Variants in PSME3IP1 observed in about 807,000 individuals in gnomAD.
The protein encoded by PSME3IP1 is PSME3-interacting protein.
A neutral mutation model predicts 34.1 loss-of-function variants in PSME3IP1; 13 were observed. The ratio of observed to expected loss-of-function variants is 0.38; its 90% CI spans 0.25 to 0.61. The LOEUF (loss-of-function observed/expected upper bound fraction) is 0.61, where lower values mean the gene tolerates loss of function less well. Among genes scored for constraint, PSME3IP1 ranks in the 20% least tolerant of loss-of-function variants. The pLI is 0.60. For synonymous variants in PSME3IP1, 93 were observed against 114.3 expected, an observed-to-expected ratio of 0.81 and a Z score of 1.19; for missense variants, 237 against 301.4, an observed-to-expected ratio of 0.79 and a Z score of 1.58.
At chr16:57,159,018 A>G (rs1336025053) in intron 6 of PSME3IP1, among the ~76,000 whole-genome samples, 2 of 152,248 alleles carry the variant, frequency 1.3e-5, no homozygotes, top group Middle Eastern at 3.2e-3. Flanking sequence ...TCATTGACCA[A>G]AATGGCGTTA....
intron 6 of PSME3IP1, among the ~76,000 whole-genome samples, chr16:57,159,797 G>A (rs559699916): frequency 6.6e-6 from 1 of 152,202 alleles, no homozygotes; most frequent in Admixed American, 6.5e-5. Context: ...CATTTGTATA[G>A]TTCCTACCAG....
chr16:57,154,294 G>C lies in PSME3IP1; in HGVS notation c.761C>G (p.Pro254Arg). ...IFRTNTFLEAP is the reference protein window; with the variant it reads ...IFRTNTFLEAR ...CCCTGTGTAGGGACGGAGAAACTAG[G>C]GGGCCTCGAGGAAGGTGTTGGTTCG... Residue 254 changes from proline (P) to arginine (R), a missense_variant, in exon 7 of 7, where the codon CCC (proline) becomes CGC (arginine). Coordinates refer to ENST00000309137, the MANE Select transcript of PSME3IP1 (RefSeq NM_024946.4). This position sits in a 1 kb window ranked among gnomAD's most constrained non-coding sequence, Gnocchi z 4.0. 3 of 1,613,852 alleles carry C rather than the reference G, an allele frequency of 1.9e-6. No individual in the cohort carries two copies. The highest frequency in any genetic ancestry group is 2.5e-6 in the Non-Finnish European group (3 of 1,179,954).
intron 4 of PSME3IP1, among the ~76,000 whole-genome samples, chr16:57,170,727 C>T (rs1597691348): frequency 1.3e-5 from 2 of 152,206 alleles, no homozygotes; most frequent in East Asian, 3.9e-4. Context: ...GATAAACAAA[C>T]CAGTAGGCAA....
At chr16:57,160,549 T>C (rs2071111402) in intron 6 of PSME3IP1, among the ~76,000 whole-genome samples, 1 of 152,234 alleles carries the variant, frequency 6.6e-6, no homozygotes, top group Non-Finnish European at 1.5e-5. Context: ...TTTAACCTGA[T>C]AGATCTGTGC....
At chr16:57,181,684 G>A (rs1028503163) in intron 1 of PSME3IP1, 1 of 152,172 alleles carries the variant, frequency 6.6e-6, no homozygotes, top group African/African-American at 2.4e-5. Context: ...ATTAATCAGG[G>A]TTCCCATGAC....
chr16:57,175,000 A>G (rs1421029079), intron 1 of PSME3IP1: 1 of 151,144 alleles, frequency 6.6e-6, no homozygotes, highest in African/African-American at 2.4e-5. Flanking sequence ...AGCAGAGTGT[A>G]TATTACTTAT....
chr16:57,163,198 C>T (rs574667055), intron 6 of PSME3IP1, among the ~76,000 whole-genome samples: 138 of 152,154 alleles, frequency 9.1e-4, no homozygotes, highest in Non-Finnish European at 1.4e-3. Flanking sequence ...AATTCTGTTT[C>T]CCTCTAAGGA....
At position 57,154,934 on chromosome 16, in the gene PSME3IP1, GTA is replaced by G. The variant is rs748739358; in HGVS notation, c.548-429_548-428del. Among the ~76,000 whole-genome samples the G allele has an allele frequency of 9.8e-5, 15 of 152,322 alleles. No individual in the cohort carries two copies. In the East Asian group the frequency reaches 1.9e-3, roughly 20 times the overall value. Reference sequence around the variant, plus strand: ...TTAACAATTCCATTAAGTTCTCAGCGTATTACACCATTTCTTATTTACTGACC... The same window carrying G: ...TTAACAATTCCATTAAGTTCTCAGCGTTACACCATTTCTTATTTACTGACC... On this transcript the variant is annotated intron_variant, in intron 6 of 6. Transcript: ENST00000309137. This position sits in a 1 kb window ranked among gnomAD's most constrained non-coding sequence, Gnocchi z 4.0.
At chr16:57,172,472 T>TAAA in intron 3 of PSME3IP1, 100 bp from the exon 4 acceptor site, 1 of 1,147,284 alleles carries the variant, frequency 8.7e-7, no homozygotes, top group Non-Finnish European at 1.2e-6. Flanking sequence ...TTCAGGGGAT[T>TAAA]AAAAAAAAAA....
At chr16:57,161,482 T>C (rs1236095026) in intron 6 of PSME3IP1, among the ~76,000 whole-genome samples, 1 of 151,782 alleles carries the variant, frequency 6.6e-6, no homozygotes, top group Non-Finnish European at 1.5e-5. Flanking sequence ...TAGCCAAATA[T>C]AATGTCTGGT....
At position 57,172,339 on chromosome 16, in the gene PSME3IP1, G is replaced by A. The variant is rs780589903; in HGVS notation, c.260C>T (p.Thr87Ile). Reference protein sequence around the residue: ...NMVRGLDEDETNFLDEVSRQQ... With the variant: ...NMVRGLDEDEINFLDEVSRQQ... The stretch of plus-strand genomic sequence containing the variant: ...TCGAGAAACCTCATCAAGGAAGTTG[G>A]TCTCATCTTCATCTAAGCCTCTTAC... The change falls in exon 4 of 7, where the codon ACC (threonine) becomes ATC (isoleucine). Residue 87 changes from threonine (T) to isoleucine (I), a missense_variant. Coordinates refer to ENST00000309137, the MANE Select transcript of PSME3IP1 (RefSeq NM_024946.4). 1.2e-6 allele frequency: 2 copies of A among 1,613,618 alleles called. No individual in the cohort carries two copies. Among genetic ancestry groups the A allele is most frequent in the Non-Finnish European group, 1.7e-6 (2 of 1,179,850 alleles).
At chr16:57,186,045 C>A, upstream of PSME3IP1, 1 of 985,498 alleles carries the variant, frequency 1.0e-6, no homozygotes, top group Non-Finnish European at 1.2e-6. Flanking sequence ...ACAATAGAGT[C>A]CCGCCCCACT....
intron 6 of PSME3IP1, among the ~76,000 whole-genome samples, chr16:57,161,303 A>G (rs1282137152): frequency 1.3e-5 from 2 of 152,240 alleles, no homozygotes; most frequent in African/African-American, 4.8e-5. Context: ...CTAATGGCAT[A>G]CAGATAGACA....
rs2070213190 is a variant in PSME3IP1, at chr16:57,154,011, A to G, written c.*279T>C. The G allele has an allele frequency of 2.5e-6, 1 of 392,362 alleles. No homozygotes were observed. The highest frequency in any genetic ancestry group is 2.1e-5 in the African/African-American group (1 of 48,426). The allele number at this position is 392,362 out of a possible 1,614,324, so 24.3% of individuals were successfully genotyped here. On this transcript the variant is annotated 3_prime_UTR_variant, in exon 7 of 7. Coordinates refer to ENST00000309137, the MANE Select transcript of PSME3IP1 (RefSeq NM_024946.4). The surrounding 1 kb of genome is among the most constrained non-coding windows in gnomAD (Gnocchi z 4.0). The stretch of plus-strand genomic sequence containing the variant: ...GTGCCTATTCTCCTGGGGCATTTTT[A>G]GTGGAACTTCGGCTGGGCCTTGCCC...
At chr16:57,170,946 A>C (rs2072501263) in intron 4 of PSME3IP1, among the ~76,000 whole-genome samples, 1 of 152,002 alleles carries the variant, frequency 6.6e-6, no homozygotes, top group Admixed American at 6.6e-5. Flanking sequence ...GGTGGCATGC[A>C]CCTGTAACCC....
chr16:57,171,796 A>G (rs1321884265), intron 4 of PSME3IP1, among the ~76,000 whole-genome samples: 3 of 152,200 alleles, frequency 2.0e-5, no homozygotes, highest in Non-Finnish European at 1.5e-5. Flanking sequence ...CAAGTGGATG[A>G]CCAAAAGGCA....
At chr16:57,180,004 T>C (rs192395142) in intron 1 of PSME3IP1, among the ~76,000 whole-genome samples, 44 of 152,312 alleles carry the variant, frequency 2.9e-4, no homozygotes, top group Middle Eastern at 3.4e-3. Context: ...ACTTTTCCTA[T>C]ATCATAAAAT....
At chr16:57,180,114 A>C (rs1378939651) in intron 1 of PSME3IP1, among the ~76,000 whole-genome samples, 4 of 152,234 alleles carry the variant, frequency 2.6e-5, no homozygotes, top group African/African-American at 9.6e-5. Flanking sequence ...TAATTAACAT[A>C]TTCCGGTAGC....
intron 3 of PSME3IP1, 134 bp from the exon 4 acceptor site, chr16:57,172,506 T>G (rs942714696): frequency 1.9e-5 from 18 of 972,900 alleles, no homozygotes; most frequent in Admixed American, 5.5e-5. Context: ...CCATGGCGTT[T>G]GAATAGATAA....
Sources: allele counts gnomAD v4.1 joint callset (sites outside exome capture counted in the v4.1 genomes callset), GRCh38; gene constraint gnomAD v4.1.1; non-coding constraint Gnocchi (gnomAD v3.1); transcripts MANE v1.5; gene names NCBI Gene and HGNC (gene_info 2026-07-23, HGNC 2026-07-21).